The following YAF2 variants were observed in gnomAD, a reference collection of about 807,000 sequenced individuals.
The protein encoded by YAF2 is YY1 associated factor 2, also known as YY1-associated factor 2.
Under a neutral mutation model 20.1 loss-of-function variants are expected in YAF2, and 7 were observed. The ratio of observed to expected loss-of-function variants is 0.35; its 90% CI spans 0.20 to 0.65. The LOEUF is 0.65. Among genes scored for constraint, YAF2 ranks in the 30% least tolerant of loss-of-function variants. The pLI is 0.69. For missense variants in YAF2, 151 were observed against 219.2 expected, an observed-to-expected ratio of 0.69 and a Z score of 1.96; for synonymous variants, 74 against 76.0, an observed-to-expected ratio of 0.97 and a Z score of 0.14.
chr12:42,228,193 A>T (rs1211621565), intron 2 of YAF2, among the ~76,000 whole-genome samples: 1 of 70,182 alleles, frequency 1.4e-5, no homozygotes. Context: ...TCCGGGAGGG[A>T]GGTGGGGGGG....
intron 2 of YAF2, among the ~76,000 whole-genome samples, chr12:42,186,864 C>T (rs1411036989): frequency 6.6e-6 from 1 of 152,140 alleles, no homozygotes; most frequent in African/African-American, 2.4e-5. Flanking sequence ...GGAAATTATC[C>T]TTAATTTCTG....
rs12300940 is a variant in YAF2 at position 42,203,886 on chromosome 12, C to T, written c.152+33713G>A. On this transcript the variant is annotated intron_variant, in intron 2 of 3. Transcript: ENST00000534854. ...TGCATAAGATTGGGATTAGCTGTTCCGCAAAAGCATATCTAAAATTATAAT... is the reference window on the plus strand; with the variant it reads ...TGCATAAGATTGGGATTAGCTGTTCTGCAAAAGCATATCTAAAATTATAAT... Among the ~76,000 whole-genome samples, 1,443 of 152,140 alleles carry T rather than the reference C, an allele frequency of 9.5e-3. 26 individuals are homozygous for T. The highest frequency in any genetic ancestry group is 0.033 in the African/African-American group (1,367 of 41,498).
At chr12:42,210,775 A>C (rs2067186178) in intron 2 of YAF2, 1 of 1,113,926 alleles carries the variant, frequency 9.0e-7, no homozygotes. Context: ...AACTATATAT[A>C]CACGTATCAA....
intron 2 of YAF2, among the ~76,000 whole-genome samples, chr12:42,227,866 C>T (rs1249848584): frequency 1.5e-5 from 2 of 133,114 alleles, no homozygotes; most frequent in South Asian, 2.5e-4. Context: ...CCCCCCGCCC[C>T]GCCAGCCGCC....
intron 2 of YAF2, among the ~76,000 whole-genome samples, chr12:42,177,417 T>C (rs142378084): frequency 6.6e-6 from 1 of 152,298 alleles, no homozygotes; most frequent in East Asian, 1.9e-4. Context: ...TCCTTCTGGC[T>C]TACAGACGGC....
intron 2 of YAF2, among the ~76,000 whole-genome samples, chr12:42,205,464 C>G (rs1233314206): frequency 1.3e-5 from 2 of 151,966 alleles, no homozygotes; most frequent in African/African-American, 4.8e-5. Context: ...CAACCTCCAC[C>G]TCCTGTGTTC....
chr12:42,185,678 T>C (rs968516846), intron 2 of YAF2, among the ~76,000 whole-genome samples: 5 of 152,248 alleles, frequency 3.3e-5, no homozygotes, highest in Admixed American at 2.6e-4. Context: ...AAAGCTCAGA[T>C]GGTCATTTGA....
chr12:42,238,012 T>A, intron 1 of YAF2, 143 bp downstream of exon 1: 94 of 364,904 alleles, frequency 2.6e-4, no homozygotes, highest in Non-Finnish European at 3.1e-4. Context: ...GCCGGCCCCC[T>A]CAAGCGGCAG....
intron 2 of YAF2, among the ~76,000 whole-genome samples, chr12:42,180,684 C>A (rs1031918686): frequency 6.6e-6 from 1 of 152,156 alleles, no homozygotes; most frequent in Non-Finnish European, 1.5e-5. Flanking sequence ...ACAGGTGGCT[C>A]ACGCCTGTAA....
intron 2 of YAF2, chr12:42,235,538 G>A (rs1333955100): frequency 2.2e-6 from 3 of 1,344,240 alleles, no homozygotes; most frequent in East Asian, 3.2e-5. Context: ...GTTTAACTTA[G>A]AGCCAAAATC....
At chr12:42,166,128 G>A (rs1035866447) in intron 2 of YAF2, among the ~76,000 whole-genome samples, 1 of 151,806 alleles carries the variant, frequency 6.6e-6, no homozygotes, top group African/African-American at 2.4e-5. Flanking sequence ...GGCCAGGCTG[G>A]TCTTGAACGC....
intron 2 of YAF2, among the ~76,000 whole-genome samples, chr12:42,229,432 A>AAC (rs1555166069): frequency 7.9e-5 from 12 of 151,426 alleles, no homozygotes; most frequent in African/African-American, 2.9e-4. Flanking sequence ...AAAAAAAAAA[A>AAC]AAAACATTTA....
chr12:42,196,694 A>G (rs771210971), intron 2 of YAF2, among the ~76,000 whole-genome samples: 11 of 152,240 alleles, frequency 7.2e-5, no homozygotes, highest in Non-Finnish European at 1.5e-4. Flanking sequence ...TGCAATGAAC[A>G]AAGTGTTGCT....
chr12:42,211,079 AAT>A (rs2067194054), intron 2 of YAF2, among the ~76,000 whole-genome samples: 1 of 152,200 alleles, frequency 6.6e-6, no homozygotes, highest in South Asian at 2.1e-4. Flanking sequence ...GTGGACTAAT[AAT>A]ATGTTAGAAT....
intron 2 of YAF2, chr12:42,233,912 T>C: frequency 4.1e-6 from 4 of 985,406 alleles, no homozygotes; most frequent in Non-Finnish European, 4.8e-6. Context: ...GTCTCACTCC[T>C]GTAATCCCAG....
intron 2 of YAF2, among the ~76,000 whole-genome samples, chr12:42,220,345 A>G (rs901629487): frequency 6.6e-6 from 1 of 152,226 alleles, no homozygotes; most frequent in Non-Finnish European, 1.5e-5. Context: ...GAAAAAATAA[A>G]ACTCCATCCC....
chr12:42,227,681 G>A (rs550815761), intron 2 of YAF2, among the ~76,000 whole-genome samples: 136 of 143,182 alleles, frequency 9.5e-4, no homozygotes, highest in African/African-American at 3.1e-3. Flanking sequence ...CTCTCCGCCC[G>A]GCAGCCACCC....
intron 2 of YAF2, among the ~76,000 whole-genome samples, chr12:42,215,789 G>A (rs2067336952): frequency 6.6e-6 from 1 of 152,132 alleles, no homozygotes; most frequent in Non-Finnish European, 1.5e-5. Context: ...AGCCAGGCAT[G>A]ATTGCACCTG....
chr12:42,203,870 T>C (rs2066966749), intron 2 of YAF2, among the ~76,000 whole-genome samples: 2 of 152,210 alleles, frequency 1.3e-5, no homozygotes, highest in African/African-American at 2.4e-5. Context: ...TTGCATAAGA[T>C]TGGGATTAGC....
Sources: allele counts gnomAD v4.1 joint callset (sites outside exome capture counted in the v4.1 genomes callset), GRCh38; gene constraint gnomAD v4.1.1; transcripts MANE v1.5; gene names NCBI Gene and HGNC (gene_info 2026-07-23, HGNC 2026-07-21).